Variants in PCDH7 observed in about 807,000 individuals in gnomAD.
The protein encoded by PCDH7 is protocadherin-7.
Under a neutral mutation model 58.9 loss-of-function variants are expected in PCDH7, and 17 were observed. The ratio of observed to expected loss-of-function variants is 0.29; its 90% CI spans 0.20 to 0.43. PCDH7 has a LOEUF of 0.43. Ranked by LOEUF, PCDH7 falls within the 20% of genes least tolerant of loss-of-function variation. The probability of loss-of-function intolerance (pLI) is 1.00; values close to 1 mark genes in which losing one functional copy is unlikely to be tolerated. For synonymous variants in PCDH7, 664 were observed against 616.4 expected, an observed-to-expected ratio of 1.08 and a Z score of -1.14; for missense variants, 1,274 against 1,441.0, an observed-to-expected ratio of 0.88 and a Z score of 1.88.
In PCDH7 at chr4:30,721,726, A is replaced by T. The variant is rs1390112581; in HGVS notation, c.304A>T (p.Ile102Phe). The change falls in exon 1 of 2, where the codon ATC (isoleucine) becomes TTC (phenylalanine). Residue 102 changes from isoleucine (I) to phenylalanine (F), a missense_variant. Ile to Phe is a conservative substitution (Grantham distance 21). This residue lies in a region of PCDH7 where 212 missense variants were observed against 255.8 expected (regional missense o/e 0.83). Transcript: ENST00000361762. This position sits in a 1 kb window ranked among gnomAD's most constrained non-coding sequence, Gnocchi z 6.7. ...CGAGAAGCTGCCCCAGTGTCAGATG[A>T]TCTTCGACGAGAACGAGTGCTTCCT... 6.2e-7 allele frequency: 1 copy of T among 1,613,822 alleles called. No homozygotes were observed.
intron 1 of PCDH7, among the ~76,000 whole-genome samples, chr4:30,878,035 C>G (rs13137577): frequency 0.23 from 35,040 of 152,020 alleles, 4,110 homozygotes; most frequent in Middle Eastern, 0.26. Context: ...TGAGGAAGAG[C>G]AGCAAATACT....
intron 3 of PCDH7, among the ~76,000 whole-genome samples, chr4:31,075,834 T>C (rs984866468): frequency 2.0e-5 from 3 of 152,196 alleles, no homozygotes; most frequent in Non-Finnish European, 2.9e-5. Flanking sequence ...TCAACTTCAC[T>C]GGGTCACTTT....
chr4:30,736,544 T>A (rs1171163531), downstream of PCDH7, among the ~76,000 whole-genome samples: 6 of 149,672 alleles, frequency 4.0e-5, no homozygotes, highest in South Asian at 4.2e-4. Flanking sequence ...TATTTTTTTT[T>A]TTTTTTTTTG....
chr4:31,141,705 T>G (rs2109348562), intron 3 of PCDH7, among the ~76,000 whole-genome samples: 1 of 152,290 alleles, frequency 6.6e-6, no homozygotes, highest in Admixed American at 6.5e-5. Context: ...GGCTAGTTCA[T>G]CCAAAGTTTA....
intron 3 of PCDH7, among the ~76,000 whole-genome samples, chr4:31,104,556 G>T (rs1054130874): frequency 1.3e-5 from 2 of 152,162 alleles, no homozygotes; most frequent in African/African-American, 2.4e-5. Context: ...TAGTTTTTGT[G>T]TATAAAAATA....
chr4:30,969,711 C>T (rs1236400175), intron 3 of PCDH7, among the ~76,000 whole-genome samples: 1 of 152,044 alleles, frequency 6.6e-6, no homozygotes, highest in Admixed American at 6.6e-5. Flanking sequence ...AAAATTTGAT[C>T]TAAACATATG....
intron 3 of PCDH7, among the ~76,000 whole-genome samples, chr4:31,031,582 T>C (rs1390166114): frequency 6.6e-6 from 1 of 152,234 alleles, no homozygotes; most frequent in African/African-American, 2.4e-5. Context: ...AGAATTGTAT[T>C]TTCTTATTTG....
chr4:30,832,872 T>C (rs543694805), intron 1 of PCDH7, among the ~76,000 whole-genome samples: 1 of 152,290 alleles, frequency 6.6e-6, no homozygotes, highest in African/African-American at 2.4e-5. Flanking sequence ...GAGTAGTAGA[T>C]TCAGTGCAGC....
chr4:31,053,939 T>C (rs1756947902), intron 3 of PCDH7, among the ~76,000 whole-genome samples: 1 of 152,174 alleles, frequency 6.6e-6, no homozygotes, highest in African/African-American at 2.4e-5. Flanking sequence ...TGATAATACA[T>C]ACACCTGGAC....
chr4:31,056,517 GGGGAA>G (rs1254729106), intron 3 of PCDH7, among the ~76,000 whole-genome samples: 3 of 95,038 alleles, frequency 3.2e-5, no homozygotes, highest in Admixed American at 1.0e-4. Context: ...AAGAAAGAAA[GGGGAA>G]GGGAAGGGAA....
chr4:30,998,504 G>T (rs1752087181), intron 3 of PCDH7, among the ~76,000 whole-genome samples: 2 of 152,106 alleles, frequency 1.3e-5, no homozygotes, highest in South Asian at 2.1e-4. Flanking sequence ...TCCTGGAATG[G>T]TTTTTCTCAA....
chr4:31,072,326 G>A (rs1242276912), intron 3 of PCDH7, among the ~76,000 whole-genome samples: 1 of 152,084 alleles, frequency 6.6e-6, no homozygotes, highest in African/African-American at 2.4e-5. Context: ...CTAGAGGAGA[G>A]TGGTATAAAT....
intron 3 of PCDH7, among the ~76,000 whole-genome samples, chr4:31,096,897 A>T (rs1281486901): frequency 7.1e-6 from 1 of 141,064 alleles, no homozygotes; most frequent in Non-Finnish European, 1.5e-5. Context: ...TGAAAATACT[A>T]ATAAATTCCT....
At chr4:31,078,908 T>C (rs1407694069) in intron 3 of PCDH7, among the ~76,000 whole-genome samples, 1 of 151,882 alleles carries the variant, frequency 6.6e-6, no homozygotes, top group Non-Finnish European at 1.5e-5. Context: ...AGTTACAAAA[T>C]AGGTCCACAT....
downstream of PCDH7, chr4:31,144,810 C>CA (rs1720571670): frequency 6.6e-6 from 1 of 151,840 alleles, no homozygotes; most frequent in African/African-American, 2.4e-5. Flanking sequence ...GTAATTGAAA[C>CA]AAAAAACATT....
intron 3 of PCDH7, among the ~76,000 whole-genome samples, chr4:30,968,950 C>A (rs2109470495): frequency 6.6e-6 from 1 of 152,286 alleles, no homozygotes; most frequent in Non-Finnish European, 1.5e-5. Flanking sequence ...AACATTATCA[C>A]TTTCTATGAA....
intron 3 of PCDH7, among the ~76,000 whole-genome samples, chr4:30,974,237 T>C (rs79229521): frequency 7.1e-6 from 1 of 140,498 alleles, no homozygotes; most frequent in Non-Finnish European, 1.5e-5. Flanking sequence ...TCTTTCTTTT[T>C]CTTTCTTTCT....
At chr4:31,019,771 T>A (rs1753888282) in intron 3 of PCDH7, among the ~76,000 whole-genome samples, 1 of 151,406 alleles carries the variant, frequency 6.6e-6, no homozygotes, top group Admixed American at 6.6e-5. Context: ...AAGACACATA[T>A]ACACACATGT....
chr4:30,858,896 A>G (rs1733827011), intron 1 of PCDH7, among the ~76,000 whole-genome samples: 1 of 152,266 alleles, frequency 6.6e-6, no homozygotes, highest in African/African-American at 2.4e-5. Flanking sequence ...AACATGCCAC[A>G]TGCTATTTTA....
Sources: gnomAD v4.1 joint callset for allele counts (sites outside exome capture counted in the v4.1 genomes callset) on GRCh38, gnomAD v4.1.1 for gene constraint, gnomAD v4.1.1 regional missense constraint, Gnocchi (gnomAD v3.1) non-coding constraint, MANE v1.5 for transcripts, NCBI Gene and HGNC (gene_info 2026-07-23, HGNC 2026-07-21) for gene names.